Variants in ARNT2 observed in about 807,000 individuals in gnomAD.
The protein encoded by ARNT2 is ARNT protein 2.
In ARNT2, 36 loss-of-function variants were observed where a neutral mutation model predicts 91.7. The observed-to-expected ratio is 0.39, with a 90% CI of 0.30 to 0.52. ARNT2 has a LOEUF of 0.52. Ranked by LOEUF, ARNT2 falls within the 20% of genes least tolerant of loss-of-function variation. The pLI is 0.72. For synonymous variants in ARNT2, 365 were observed against 347.1 expected, an observed-to-expected ratio of 1.05 and a Z score of -0.57; for missense variants, 775 against 939.3, an observed-to-expected ratio of 0.83 and a Z score of 2.29.
chr15:80,513,851 C>G, intron 6 of ARNT2, 60 bp from the exon 7 acceptor site: 1 of 1,403,336 alleles, frequency 7.1e-7, no homozygotes, highest in Non-Finnish European at 1.0e-6. Context: ...ATGGCAGCAC[C>G]ATATATTGAA....
intron 5 of ARNT2, among the ~76,000 whole-genome samples, chr15:80,482,416 G>C (rs1434473490): frequency 1.3e-5 from 2 of 152,270 alleles, no homozygotes; most frequent in African/African-American, 4.8e-5. Context: ...GCTCATCAAG[G>C]TCCTATGCAT....
At chr15:80,540,214 C>T (rs1897884621) in intron 8 of ARNT2, among the ~76,000 whole-genome samples, 1 of 152,146 alleles carries the variant, frequency 6.6e-6, no homozygotes, top group African/African-American at 2.4e-5. Flanking sequence ...CCACGTTTAA[C>T]CTCATGAGAA....
intron 1 of ARNT2, among the ~76,000 whole-genome samples, chr15:80,423,414 G>T (rs1370925573): frequency 6.6e-6 from 1 of 152,052 alleles, no homozygotes; most frequent in African/African-American, 2.4e-5. Flanking sequence ...CACTGGGAAC[G>T]CTCACTATGT....
At chr15:80,537,115 A>G (rs1219093384) in intron 8 of ARNT2, among the ~76,000 whole-genome samples, 1 of 152,116 alleles carries the variant, frequency 6.6e-6, no homozygotes, top group Non-Finnish European at 1.5e-5. Flanking sequence ...CAAATGTACA[A>G]AGGCCAATTC....
At chr15:80,416,898 C>T (rs983645453) in intron 1 of ARNT2, among the ~76,000 whole-genome samples, 2 of 152,142 alleles carry the variant, frequency 1.3e-5, no homozygotes, top group African/African-American at 4.8e-5. Context: ...GACGATTAGT[C>T]ATTTAAGATG....
At chr15:80,558,866 G>A (rs1404785937) in intron 11 of ARNT2, among the ~76,000 whole-genome samples, 3 of 152,208 alleles carry the variant, frequency 2.0e-5, no homozygotes, top group South Asian at 2.1e-4. Flanking sequence ...TAGCAGTCAG[G>A]TTTGGGCTGG....
At chr15:80,466,701 A>G (rs1896660249) in intron 3 of ARNT2, among the ~76,000 whole-genome samples, 1 of 152,268 alleles carries the variant, frequency 6.6e-6, no homozygotes, top group South Asian at 2.1e-4. Context: ...CCGTACATAC[A>G]TATGTGTATG....
rs8037960 is a variant in ARNT2, at chr15:80,580,353, C to T, written c.1614-58C>T. 3,131 of 1,603,170 alleles carry T rather than the reference C, an allele frequency of 2.0e-3. 70 individuals are homozygous for T. The African/African-American group carries it at 0.037, about 19-fold the overall frequency. ...GGCAGATTGTGTGGTTGGCTGGGCA[C>T]GTAGACTCATGCAAACCAGGTGTGT... On this transcript the variant is annotated intron_variant, in intron 15 of 18. Coordinates refer to ENST00000303329, the MANE Select transcript of ARNT2 (RefSeq NM_014862.4).
intron 1 of ARNT2, among the ~76,000 whole-genome samples, chr15:80,448,911 G>T (rs1428778772): frequency 6.6e-6 from 1 of 152,150 alleles, no homozygotes; most frequent in Non-Finnish European, 1.5e-5. Flanking sequence ...CGTGAACCCG[G>T]GAGGTGGAGC....
At chr15:80,416,854 A>AAGTCAAGGTCGTGT (rs1895792406) in intron 1 of ARNT2, among the ~76,000 whole-genome samples, 1 of 152,188 alleles carries the variant, frequency 6.6e-6, no homozygotes, top group African/African-American at 2.4e-5. Flanking sequence ...TCTGTTGATG[A>AAGTCAAGGTCGTGT]AGTCAAGGTC....
At chr15:80,590,132 G>C (rs973833944) in intron 17 of ARNT2, among the ~76,000 whole-genome samples, 1 of 152,154 alleles carries the variant, frequency 6.6e-6, no homozygotes, top group Non-Finnish European at 1.5e-5. Flanking sequence ...TCACATTAAC[G>C]CAGTGCCCAG....
At chr15:80,458,348 G>A (rs1271381422) in intron 3 of ARNT2, among the ~76,000 whole-genome samples, 3 of 151,972 alleles carry the variant, frequency 2.0e-5, no homozygotes, top group African/African-American at 7.3e-5. Context: ...GCAAACAGAG[G>A]AATTCATTCT....
chr15:80,490,768 C>G (rs186031549), intron 5 of ARNT2, among the ~76,000 whole-genome samples: 1 of 152,340 alleles, frequency 6.6e-6, no homozygotes, highest in East Asian at 1.9e-4. Flanking sequence ...AGATAGTTAT[C>G]AGCACAAGTC....
chr15:80,522,202 C>G (rs930522710), intron 8 of ARNT2, among the ~76,000 whole-genome samples: 1 of 152,082 alleles, frequency 6.6e-6, no homozygotes, highest in African/African-American at 2.4e-5. Context: ...AATGTTTTAG[C>G]TACATTAACT....
At chr15:80,536,321 T>C (rs544102031) in intron 8 of ARNT2, among the ~76,000 whole-genome samples, 29 of 152,282 alleles carry the variant, frequency 1.9e-4, no homozygotes, top group African/African-American at 7.0e-4. Context: ...TGAAGATTGG[T>C]TGGACCAGGT....
intron 1 of ARNT2, among the ~76,000 whole-genome samples, chr15:80,423,996 C>G (rs1244638774): frequency 1.3e-5 from 2 of 152,190 alleles, no homozygotes; most frequent in Non-Finnish European, 2.9e-5. Context: ...TTAGCTTTCC[C>G]CACCTTGTGT....
intron 8 of ARNT2, among the ~76,000 whole-genome samples, chr15:80,521,639 A>G (rs1397629926): frequency 6.6e-6 from 1 of 152,156 alleles, no homozygotes; most frequent in Non-Finnish European, 1.5e-5. Context: ...ACTTTAATAC[A>G]CAAGAACACA....
rs1898800284 is a variant in ARNT2 at position 80,581,692 on chromosome 15, C to A, written c.1918+288C>A. ...CCATTTTAACCCATTATGGCCCTGG[C>A]AAGGATTTTCAGGTCCCCCAAGTCA... On this transcript the variant is annotated intron_variant, in intron 17 of 18. Coordinates refer to ENST00000303329, the MANE Select transcript of ARNT2 (RefSeq NM_014862.4). 3.3e-5 allele frequency among the ~76,000 whole-genome samples: 5 copies of A among 152,164 alleles called. No individual in the cohort carries two copies. In the South Asian group the frequency reaches 1.0e-3, roughly 32 times the overall value.
At chr15:80,524,811 C>G (rs1416197665) in intron 8 of ARNT2, among the ~76,000 whole-genome samples, 2 of 150,970 alleles carry the variant, frequency 1.3e-5, no homozygotes, top group Non-Finnish European at 2.9e-5. Flanking sequence ...GGAGGCAGAG[C>G]TTGCAGTGAG....
Sources: allele counts gnomAD v4.1 joint callset (sites outside exome capture counted in the v4.1 genomes callset), GRCh38; gene constraint gnomAD v4.1.1; transcripts MANE v1.5; gene names NCBI Gene and HGNC (gene_info 2026-07-23, HGNC 2026-07-21).